Variants in MED13L observed in about 807,000 individuals in gnomAD.
MED13L encodes mediator of RNA polymerase II transcription subunit 13-like.
A neutral mutation model predicts 220.9 loss-of-function variants in MED13L; 7 were observed. The ratio of observed to expected loss-of-function variants is 0.03; its 90% CI spans 0.02 to 0.06. The LOEUF (loss-of-function observed/expected upper bound fraction) is 0.06, where lower values mean the gene tolerates loss of function less well. Among genes scored for constraint, MED13L ranks in the 10% least tolerant of loss-of-function variants. MED13L has a pLI of 1.00. For synonymous variants in MED13L, 1,011 were observed against 1,015.2 expected (o/e 1.00, Z 0.08); for missense variants, 1,965 against 2,760.5 (o/e 0.71, Z 6.46).
chr12:116,271,963 ATTATT>A (rs1292495888), intron 1 of MED13L, among the ~76,000 whole-genome samples: 3 of 152,170 alleles, frequency 2.0e-5, no homozygotes, highest in Non-Finnish European at 4.4e-5. Context: ...GAACATTGTT[ATTATT>A]GTTATTTTCT....
chr12:115,991,495 G>C lies in MED13L; in HGVS notation c.3459C>G (p.Ser1153=). ...AGGTACAGCGGTACTGGTCCTCATT[G>C]GAAGAATCGGGGATGTAAAGCCCGA... ...ADVGLYIPDS[S]NEDQYRCTCG... Residue 1153 remains serine, a synonymous_variant, in exon 17 of 31, where the codon TCC becomes TCG. Transcript: ENST00000281928. This position sits in a 1 kb window ranked among gnomAD's most constrained non-coding sequence, Gnocchi z 7.7. 2 of 1,614,158 alleles carry C rather than the reference G, an allele frequency of 1.2e-6. No homozygotes were observed. The highest frequency in any genetic ancestry group is 1.7e-6 in the Non-Finnish European group (2 of 1,180,024).
chr12:115,999,628 G>A (rs1878622085), intron 14 of MED13L, among the ~76,000 whole-genome samples: 1 of 151,350 alleles, frequency 6.6e-6, no homozygotes, highest in African/African-American at 2.4e-5. Flanking sequence ...AAGTTAAAAG[G>A]ATGAGCTTAA....
chr12:116,019,242 G>A lies in MED13L; in HGVS notation c.991C>T (p.Pro331Ser). Residue 331 changes from proline (P) to serine (S), a missense_variant, in exon 7 of 31, where the codon CCA (proline) becomes TCA (serine). Physicochemically the swap from Pro to Ser is moderately conservative, Grantham distance 74. Around this residue, in one of 10 missense-constraint regions of MED13L, gnomAD observed 818 missense variants for 1,041.2 expected, o/e 0.79. Transcript: ENST00000281928. ...TACTCACCTAGGATAGCCTGTTCTG[G>A]AGAGGTGGGAGGGGTCAGAGGCATC... ...CGMPLTPPTS[P>S]EQAILGESGG... is the part of the protein sequence containing the mutation. 6.2e-7 allele frequency: 1 copy of A among 1,613,706 alleles called. No individual in the cohort carries two copies. The highest frequency in any genetic ancestry group is 8.5e-7 in the Non-Finnish European group (1 of 1,179,870).
intron 2 of MED13L, among the ~76,000 whole-genome samples, chr12:116,138,079 C>T (rs1051323298): frequency 1.3e-5 from 2 of 152,078 alleles, no homozygotes; most frequent in Non-Finnish European, 2.9e-5. Flanking sequence ...TGGTCTCGAA[C>T]TCCTGACCTC....
chr12:116,062,822 G>A (rs1869620651), intron 4 of MED13L, among the ~76,000 whole-genome samples: 1 of 152,088 alleles, frequency 6.6e-6, no homozygotes, highest in African/African-American at 2.4e-5. Context: ...CACTGAGATG[G>A]CCTCACAGAC....
rs2137180825 is a variant in MED13L, at chr12:115,960,914, C to G, written c.*352G>C. ...GACTGCCCTCAATTGTATACAGAGG[C>G]TGAAAACACAGACTCTTGTGCAAAA... On this transcript the variant is annotated 3_prime_UTR_variant, in exon 31 of 31. Coordinates refer to ENST00000281928, the MANE Select transcript of MED13L (RefSeq NM_015335.5). 2.8e-6 allele frequency: 1 copy of G among 357,918 alleles called. No homozygotes were observed. Among genetic ancestry groups the G allele is most frequent in the East Asian group, 7.0e-5 (1 of 14,336 alleles). The allele number at this position is 357,918 out of a possible 1,614,324, so 22.2% of individuals were successfully genotyped here. A position where few individuals can be genotyped will look rare whatever the true frequency, so the allele number is the denominator to read the frequency against.
At chr12:116,014,983 G>T in intron 8 of MED13L, 126 bp downstream of exon 8, 1 of 884,824 alleles carries the variant, frequency 1.1e-6, no homozygotes, top group Non-Finnish European at 1.9e-6. Context: ...AATTCAAAAA[G>T]ATGAAATACC....
intron 3 of MED13L, among the ~76,000 whole-genome samples, chr12:116,097,112 A>G (rs569873547): frequency 2.7e-4 from 41 of 151,976 alleles, no homozygotes; most frequent in Non-Finnish European, 4.7e-4. Flanking sequence ...TCTTAAGAGA[A>G]CTTCAGAGAT....
At chr12:116,088,401 A>C (rs1871897095) in intron 4 of MED13L, among the ~76,000 whole-genome samples, 1 of 152,304 alleles carries the variant, frequency 6.6e-6, no homozygotes, top group South Asian at 2.1e-4. Context: ...AGCCCTCGGA[A>C]GGCTAAAACA....
At position 116,064,947 on chromosome 12, in the gene MED13L, T is replaced by C. The variant is rs528789311; in HGVS notation, c.479+31722A>G. Among the ~76,000 whole-genome samples the C allele has an allele frequency of 2.0e-3, 303 of 152,314 alleles. 3 individuals are homozygous for C. Among genetic ancestry groups the C allele is most frequent in the Middle Eastern group, 0.01 (3 of 294 alleles). On this transcript the variant is annotated intron_variant, in intron 4 of 30. Transcript: ENST00000281928. ...GCTTTAAAATAAATATATGTGTCTATATGTATATACAGTCAAGCAACAATG... is the reference window on the plus strand; with the variant it reads ...GCTTTAAAATAAATATATGTGTCTACATGTATATACAGTCAAGCAACAATG...
chr12:116,186,641 G>T (rs1259909668), intron 2 of MED13L, among the ~76,000 whole-genome samples: 1 of 152,126 alleles, frequency 6.6e-6, no homozygotes, highest in African/African-American at 2.4e-5. Flanking sequence ...TTACAGTGAG[G>T]AAAGTGCAAA....
intron 11 of MED13L, 115 bp downstream of exon 11, chr12:116,007,294 CAG>C (rs1879109549): frequency 1.1e-6 from 1 of 897,148 alleles, no homozygotes; most frequent in Non-Finnish European, 1.8e-6. Context: ...AATATGGGGA[CAG>C]AGCAATCAGG....
chr12:116,198,611 C>T (rs1881801563), intron 2 of MED13L, among the ~76,000 whole-genome samples: 1 of 152,332 alleles, frequency 6.6e-6, no homozygotes, highest in East Asian at 1.9e-4. Flanking sequence ...GGAAGCACTG[C>T]ATCCTGACTA....
At chr12:116,188,377 C>T (rs1303199711) in intron 2 of MED13L, among the ~76,000 whole-genome samples, 2 of 146,322 alleles carry the variant, frequency 1.4e-5, no homozygotes, top group Non-Finnish European at 3.1e-5. Context: ...TGAAAACAGT[C>T]ACAGAAACAG....
chr12:115,966,899 C>T (rs1436902980), intron 28 of MED13L, among the ~76,000 whole-genome samples: 3 of 152,042 alleles, frequency 2.0e-5, no homozygotes, highest in Non-Finnish European at 4.4e-5. Context: ...ATGCTGGGTG[C>T]GGTGGCTCAC....
At chr12:115,962,683 C>T (rs1279079171) in intron 30 of MED13L, 1 of 152,834 alleles carries the variant, frequency 6.5e-6, no homozygotes, top group Non-Finnish European at 1.5e-5. Flanking sequence ...TTGATTAATA[C>T]ACACTTCTGG....
chr12:116,193,878 A>G (rs991878571), intron 2 of MED13L, among the ~76,000 whole-genome samples: 6 of 152,198 alleles, frequency 3.9e-5, no homozygotes, highest in African/African-American at 1.4e-4. Flanking sequence ...AAATACCTTT[A>G]TGAATGAACT....
Position 116,038,744 on chromosome 12 carries a change from C to CAAAAAAAAAAAAAAAAAA in MED13L, c.480-16161_480-16144dup, listed in dbSNP as rs63703461. On this transcript the variant is annotated intron_variant, in intron 4 of 30. Coordinates refer to ENST00000281928, the MANE Select transcript of MED13L (RefSeq NM_015335.5). ...GACTTTACCTATGCGGTCAAAAGGC[C>CAAAAAAAAAAAAAAAAAA]AAAAAAAAAAAAAAAAAAAAAAAAA... Among the ~76,000 whole-genome samples the CAAAAAAAAAAAAAAAAAA allele has an allele frequency of 2.1e-4, 16 of 75,260 alleles. 2 individuals carry two copies. The highest frequency in any genetic ancestry group is 1.2e-3 in the East Asian group (2 of 1,728). The allele number at this position is 75,260 out of a possible 152,430, so 49.4% of individuals were successfully genotyped here.
At chr12:116,076,015 G>A (rs997490410) in intron 4 of MED13L, among the ~76,000 whole-genome samples, 4 of 149,636 alleles carry the variant, frequency 2.7e-5, no homozygotes, top group East Asian at 2.0e-4. Context: ...CCGGGTTCAC[G>A]CCATTCTCCT....
Sources: allele counts gnomAD v4.1 joint callset (sites outside exome capture counted in the v4.1 genomes callset), GRCh38; gene constraint gnomAD v4.1.1; regional missense constraint gnomAD v4.1.1; non-coding constraint Gnocchi (gnomAD v3.1); transcripts MANE v1.5; gene names NCBI Gene and HGNC (gene_info 2026-07-23, HGNC 2026-07-21).